CLCN5: variants seen among roughly 807,000 people sequenced by gnomAD.
The protein encoded by CLCN5 is H(+)/Cl(-) exchange transporter 5.
CLCN5 carries 17 observed loss-of-function variants against 54.0 expected under a neutral mutation model. The observed-to-expected ratio is 0.31, with a 90% CI of 0.22 to 0.47. The LOEUF is 0.47. Ranked by LOEUF, CLCN5 falls within the 20% of genes least tolerant of loss-of-function variation. The pLI is 1.00. For missense variants in CLCN5, 448 were observed against 646.7 expected, an observed-to-expected ratio of 0.69 and a Z score of 3.33; for synonymous variants, 222 against 233.0, an observed-to-expected ratio of 0.95 and a Z score of 0.43.
chrX:49,944,771 A>G (rs918888127), intron 3 of CLCN5, among the ~76,000 whole-genome samples: 12 of 111,781 alleles, frequency 1.1e-4, no homozygotes, highest in Non-Finnish European at 1.5e-4. Context: ...ATCGTGGTGG[A>G]TAAGCTTTTT....
chrX:49,952,853 C>A (rs1182221450), intron 3 of CLCN5, among the ~76,000 whole-genome samples: 1 of 111,250 alleles, frequency 9.0e-6, no homozygotes, highest in Non-Finnish European at 1.9e-5. Context: ...ATTGTTAACA[C>A]CCATGCATAT....
chrX:50,032,614 A>C (rs782350006), intron 3 of CLCN5, among the ~76,000 whole-genome samples: 3,926 of 104,378 alleles, frequency 0.038, 380 homozygotes, highest in African/African-American at 0.15. Flanking sequence ...TACATTCTGG[A>C]TATTAGCCCT....
Position 50,090,815 on chromosome X carries a change from T to C in CLCN5, c.2289T>C (p.Leu763=), listed in dbSNP as rs782643888. The C allele has an allele frequency of 2.5e-6, 3 of 1,211,457 alleles. No individual in the cohort carries two copies. Among genetic ancestry groups the C allele is most frequent in the Non-Finnish European group, 3.4e-6 (3 of 895,329 alleles). The change falls in exon 14 of 15, where the codon CTT becomes CTC. Residue 763 remains leucine, a synonymous_variant. Transcript: ENST00000376091. ...LDLSPFTVTD[L]TPMEIVVDIF... The stretch of plus-strand genomic sequence containing the variant: ...TCAGCCCCTTCACTGTGACTGACCT[T>C]ACACCCATGGAGATCGTAGTGGATA...
intron 4 of CLCN5, among the ~76,000 whole-genome samples, chrX:50,042,753 A>T (rs1273195719): frequency 1.8e-5 from 2 of 111,629 alleles, no homozygotes; most frequent in African/African-American, 6.5e-5. Context: ...ATGTACATGG[A>T]ATCACATAGT....
At chrX:50,029,652 C>T (rs1344059172) in intron 3 of CLCN5, among the ~76,000 whole-genome samples, 2 of 111,539 alleles carry the variant, frequency 1.8e-5, no homozygotes, top group African/African-American at 6.5e-5. Context: ...CATCACTGGC[C>T]ATCAGAGAAA....
At chrX:50,028,181 T>C (rs914280192) in intron 3 of CLCN5, among the ~76,000 whole-genome samples, 2 of 111,954 alleles carry the variant, frequency 1.8e-5, no homozygotes, top group Non-Finnish European at 1.9e-5. Context: ...ATAGAAAGGC[T>C]GGTGGGAGAT....
chrX:50,088,291 G>A (rs1602131555), intron 11 of CLCN5: 3 of 157,788 alleles, frequency 1.9e-5, no homozygotes, highest in East Asian at 1.7e-4. Context: ...CATGTAGAGC[G>A]TCCAGCATAG....
At chrX:50,017,294 T>C (rs1488919290) in intron 3 of CLCN5, among the ~76,000 whole-genome samples, 2 of 112,132 alleles carry the variant, frequency 1.8e-5, no homozygotes, top group Non-Finnish European at 3.8e-5. Context: ...ACATTTGGTT[T>C]TGTTAGTGTT....
At chrX:50,003,957 T>G (rs1157374575) in intron 3 of CLCN5, among the ~76,000 whole-genome samples, 1 of 112,016 alleles carries the variant, frequency 8.9e-6, no homozygotes, top group Non-Finnish European at 1.9e-5. Context: ...AAATTGTGTC[T>G]ATATCATAAC....
At chrX:49,924,450 C>A (rs1925237073) in intron 2 of CLCN5, among the ~76,000 whole-genome samples, 1 of 112,112 alleles carries the variant, frequency 8.9e-6, no homozygotes, top group Non-Finnish European at 1.9e-5. Context: ...ACACCGCACC[C>A]GGCCCCTAAC....
chrX:50,049,802 C>G (rs1338257292), intron 4 of CLCN5, among the ~76,000 whole-genome samples: 1 of 111,703 alleles, frequency 9.0e-6, no homozygotes, highest in Non-Finnish European at 1.9e-5. Flanking sequence ...ATTACAGTAT[C>G]ATGTAGAATA....
chrX:50,005,535 A>G (rs1930109302), intron 3 of CLCN5, among the ~76,000 whole-genome samples: 1 of 111,968 alleles, frequency 8.9e-6, no homozygotes, highest in African/African-American at 3.2e-5. Context: ...CTCTTTATTT[A>G]TCAGTACTCA....
chrX:50,067,158 C>T (rs1933053313), intron 4 of CLCN5, among the ~76,000 whole-genome samples: 2 of 111,582 alleles, frequency 1.8e-5, no homozygotes, highest in South Asian at 7.5e-4. Context: ...AACTTGCTTG[C>T]CTGTTTTTGA....
chrX:50,001,471 T>A (rs782336754), intron 3 of CLCN5, among the ~76,000 whole-genome samples: 3 of 111,089 alleles, frequency 2.7e-5, no homozygotes, highest in African/African-American at 6.6e-5. Flanking sequence ...TTTACTCTTT[T>A]TTTTAAATGT....
chrX:49,993,379 A>G (rs781814907), intron 3 of CLCN5, among the ~76,000 whole-genome samples: 4 of 112,150 alleles, frequency 3.6e-5, no homozygotes, highest in Admixed American at 9.5e-5. Flanking sequence ...GACTTTTAGT[A>G]TCCTGTGATA....
chrX:49,979,925 TA>T (rs1411783004), intron 3 of CLCN5, among the ~76,000 whole-genome samples: 1 of 109,263 alleles, frequency 9.2e-6, no homozygotes, highest in Admixed American at 9.8e-5. Flanking sequence ...CAACATGATT[TA>T]AAAAAAAAAT....
chrX:49,972,479 C>T (rs892121431), intron 3 of CLCN5, among the ~76,000 whole-genome samples: 3 of 111,568 alleles, frequency 2.7e-5, no homozygotes, highest in African/African-American at 6.5e-5. Context: ...ATGAAGCAAC[C>T]GGTCCAGAGG....
intron 4 of CLCN5, among the ~76,000 whole-genome samples, chrX:50,068,983 A>C (rs970473997): frequency 3.6e-5 from 4 of 111,810 alleles, no homozygotes; most frequent in Non-Finnish European, 5.6e-5. Context: ...ATAGCTTGTG[A>C]GTTTAAAACT....
rs1333478923 is a variant in CLCN5 at position 50,095,073 on chromosome X, T to C, written c.*2854T>C. ...TGATTTAAAAATTAATGAGTCGAGATGAGACTATTTTGGTATTAAATGAGA... is the reference window on the plus strand; with the variant it reads ...TGATTTAAAAATTAATGAGTCGAGACGAGACTATTTTGGTATTAAATGAGA... On this transcript the variant is annotated 3_prime_UTR_variant, in exon 15 of 15. Transcript: ENST00000376091. 4 of 112,141 alleles carry C rather than the reference T, an allele frequency of 3.6e-5. No homozygotes were observed. The highest frequency in any genetic ancestry group is 9.8e-5 in the African/African-American group (3 of 30,750). The allele number at this position is 112,141 out of a possible 1,213,427, so 9.2% of individuals were successfully genotyped here. A position where few individuals can be genotyped will look rare whatever the true frequency, so the allele number is the denominator to read the frequency against.
Sources: allele counts gnomAD v4.1 joint callset (sites outside exome capture counted in the v4.1 genomes callset), GRCh38; gene constraint gnomAD v4.1.1; transcripts MANE v1.5; gene names NCBI Gene and HGNC (gene_info 2026-07-23, HGNC 2026-07-21).